POMP: variants seen among roughly 807,000 people sequenced by gnomAD.
POMP encodes the protein 2510048O06Rik.
Under a neutral mutation model 20.6 loss-of-function variants are expected in POMP, and 12 were observed. The ratio of observed to expected loss-of-function variants is 0.58; its 90% CI spans 0.37 to 0.94. The LOEUF (loss-of-function observed/expected upper bound fraction) is 0.94, where lower values mean the gene tolerates loss of function less well. POMP is among the 40% of genes least tolerant of loss of function. The probability of loss-of-function intolerance (pLI) is 0.01; values close to 1 mark genes in which losing one functional copy is unlikely to be tolerated. For synonymous variants in POMP, 53 were observed against 55.0 expected (o/e 0.96, Z 0.16); for missense variants, 136 against 161.1 (o/e 0.84, Z 0.84).
At chr13:28,676,025 T>C (rs574038145) in intron 5 of POMP, among the ~76,000 whole-genome samples, 1 of 151,766 alleles carries the variant, frequency 6.6e-6, no homozygotes, top group Non-Finnish European at 1.5e-5. Context: ...CATGGCTTTG[T>C]TTTTTTTCTC....
At chr13:28,674,671 T>C (rs1334173309) in intron 5 of POMP, among the ~76,000 whole-genome samples, 1 of 152,042 alleles carries the variant, frequency 6.6e-6, no homozygotes, top group Non-Finnish European at 1.5e-5. Context: ...GTTTAGAATT[T>C]CTTCAGAATG....
At chr13:28,669,802 T>C (rs894288882) in intron 4 of POMP, among the ~76,000 whole-genome samples, 113 of 152,166 alleles carry the variant, frequency 7.4e-4, no homozygotes, top group African/African-American at 2.6e-3. Flanking sequence ...GCTTTAGTTA[T>C]CAATTATATG....
intron 5 of POMP, among the ~76,000 whole-genome samples, chr13:28,676,242 G>A (rs1028748367): frequency 6.6e-6 from 1 of 152,050 alleles, no homozygotes; most frequent in African/African-American, 2.4e-5. Context: ...CTGACCTCGT[G>A]ATCTGCCCAC....
rs1302590445 is a variant in POMP at position 28,663,670 on chromosome 13, A to G, written c.102-839A>G. 2.0e-5 allele frequency among the ~76,000 whole-genome samples: 3 copies of G among 152,332 alleles called. No homozygotes were observed. In the East Asian group the frequency reaches 5.8e-4, roughly 29 times the overall value. On this transcript the variant is annotated intron_variant, in intron 2 of 5. Coordinates refer to ENST00000380842, the MANE Select transcript of POMP (RefSeq NM_015932.6). Reference sequence around the variant, plus strand: ...ATGCTGGTGTCTGAGTACAAATATAATCCCTCATTACAGACTTTCAGTTTT... The same window carrying G: ...ATGCTGGTGTCTGAGTACAAATATAGTCCCTCATTACAGACTTTCAGTTTT...
At chr13:28,671,311 A>C (rs898585709) in intron 4 of POMP, among the ~76,000 whole-genome samples, 2 of 152,144 alleles carry the variant, frequency 1.3e-5, no homozygotes, top group African/African-American at 4.8e-5. Context: ...GATTAAATGA[A>C]ATCACATGTT....
chr13:28,672,985 AAAAT>A (rs773000568), intron 5 of POMP, among the ~76,000 whole-genome samples: 11 of 151,894 alleles, frequency 7.2e-5, no homozygotes, highest in East Asian at 1.9e-4. Flanking sequence ...AAACAACTGG[AAAAT>A]AAATCTTTCT....
At chr13:28,665,301 T>A (rs1623032) in intron 3 of POMP, among the ~76,000 whole-genome samples, 5,129 of 152,296 alleles carry the variant, frequency 0.034, 293 homozygotes, top group African/African-American at 0.12. Flanking sequence ...AGAAAACTGA[T>A]CTGTATTTTG....
intron 3 of POMP, among the ~76,000 whole-genome samples, chr13:28,665,273 A>T (rs1276929085): frequency 6.6e-6 from 1 of 152,212 alleles, no homozygotes; most frequent in South Asian, 2.1e-4. Context: ...GGGGAAGATG[A>T]TGCAGTTGTT....
rs531435814 is a variant in POMP, at chr13:28,659,132, C to T, written c.-53C>T. On this transcript the variant is annotated 5_prime_UTR_variant, in exon 1 of 6. Coordinates refer to ENST00000380842, the MANE Select transcript of POMP (RefSeq NM_015932.6). The stretch of plus-strand genomic sequence containing the variant: ...AGCCCTCGGAAACGGAAGTGAGCGG[C>T]GGGGTCGACTGACGGTAACGGGGCA... 6.4e-4 allele frequency: 1,000 copies of T among 1,571,410 alleles called. 2 individuals carry two copies. Among genetic ancestry groups the T allele is most frequent in the Non-Finnish European group, 5.4e-4 (625 of 1,158,810 alleles).
At chr13:28,666,501 C>T (rs773023599) in intron 3 of POMP, among the ~76,000 whole-genome samples, 14 of 151,892 alleles carry the variant, frequency 9.2e-5, no homozygotes, top group Non-Finnish European at 2.1e-4. Context: ...CTTTTTGAGA[C>T]TTACATACAT....
chr13:28,662,540 AT>A (rs1884364769), intron 2 of POMP, 33 bp downstream of exon 2: 2 of 1,510,972 alleles, frequency 1.3e-6, no homozygotes, highest in South Asian at 2.2e-5. Flanking sequence ...TGATTTTGTT[AT>A]GTTTCTGTGA....
intron 4 of POMP, among the ~76,000 whole-genome samples, chr13:28,670,596 C>T (rs757286890): frequency 6.6e-6 from 1 of 152,232 alleles, no homozygotes; most frequent in Middle Eastern, 3.2e-3. Flanking sequence ...GTGGCTCTGT[C>T]CATGAATTGG....
rs114638764 is a variant in POMP, at chr13:28,673,390, A to G, written c.358+958A>G. Among the ~76,000 whole-genome samples, 344 of 152,338 alleles carry G rather than the reference A, an allele frequency of 2.3e-3. 2 individuals carry two copies. The highest frequency in any genetic ancestry group is 8.1e-3 in the African/African-American group (336 of 41,564). ...GGCCGAATCTGTTATTTTTAATAAAATTCCCTGAATAATTGTAAATGAATT... is the reference window on the plus strand; with the variant it reads ...GGCCGAATCTGTTATTTTTAATAAAGTTCCCTGAATAATTGTAAATGAATT... On this transcript the variant is annotated intron_variant, in intron 5 of 5. Transcript: ENST00000380842.
At position 28,662,218 on chromosome 13, in the gene POMP, T is replaced by C. The variant is rs1327400608; in HGVS notation, c.4-192T>C. The stretch of plus-strand genomic sequence containing the variant: ...CAGGAATCCTTCCCACATCTAAATT[T>C]GGTATTTTCATTGTACCATGTGTGT... On this transcript the variant is annotated intron_variant, in intron 1 of 5. Coordinates refer to ENST00000380842, the MANE Select transcript of POMP (RefSeq NM_015932.6). Among the ~76,000 whole-genome samples, 3 of 152,338 alleles carry C rather than the reference T, an allele frequency of 2.0e-5. No individual in the cohort carries two copies. The South Asian group carries it at 6.2e-4, about 32-fold the overall frequency.
At chr13:28,665,752 T>C (rs1474062969) in intron 3 of POMP, among the ~76,000 whole-genome samples, 1 of 152,186 alleles carries the variant, frequency 6.6e-6, no homozygotes, top group Non-Finnish European at 1.5e-5. Flanking sequence ...AGTTCACTCT[T>C]TTACTCAGTT....
intron 2 of POMP, 52 bp downstream of exon 2, chr13:28,662,559 C>G (rs1884365063): frequency 7.1e-7 from 1 of 1,416,862 alleles, no homozygotes; most frequent in African/African-American, 1.4e-5. Context: ...TGAATTTTCA[C>G]AATATTCTTT....
At position 28,678,346 on chromosome 13, in the gene POMP, T is replaced by G. The variant is rs1884663760; in HGVS notation, c.*244T>G. On this transcript the variant is annotated 3_prime_UTR_variant, in exon 6 of 6. Transcript: ENST00000380842. ...ACAGTAGCCTTTGTCTTTAAAAAAG[T>G]TGTTGCTCATGAATATTATAAAATG... is the stretch of plus-strand genomic sequence containing the variant. 1 of 468,382 alleles carries G rather than the reference T, an allele frequency of 2.1e-6. No individual in the cohort carries two copies. Among genetic ancestry groups the G allele is most frequent in the South Asian group, 2.5e-5 (1 of 40,146 alleles). The allele number at this position is 468,382 out of a possible 1,614,324, so 29.0% of individuals were successfully genotyped here.
chr13:28,664,931 C>T (rs9551522), intron 3 of POMP, among the ~76,000 whole-genome samples: 28,280 of 152,080 alleles, frequency 0.19, 2,652 homozygotes, highest in South Asian at 0.24. Context: ...CCTGCATCTC[C>T]GAGTTACTGT....
At chr13:28,676,712 C>G (rs146613305) in intron 5 of POMP, among the ~76,000 whole-genome samples, 50 of 152,210 alleles carry the variant, frequency 3.3e-4, no homozygotes, top group African/African-American at 1.1e-3. Context: ...CAAGTTAATT[C>G]TGTACATTTT....
Sources: allele counts gnomAD v4.1 joint callset (sites outside exome capture counted in the v4.1 genomes callset), GRCh38; gene constraint gnomAD v4.1.1; transcripts MANE v1.5; gene names NCBI Gene and HGNC (gene_info 2026-07-23, HGNC 2026-07-21).